NRN1: variants seen among roughly 807,000 people sequenced by gnomAD.
The protein encoded by NRN1 is neuritin 1.
In NRN1, 4 loss-of-function variants were observed where a neutral mutation model predicts 15.0. The ratio of observed to expected loss-of-function variants is 0.27; its 90% CI spans 0.13 to 0.61. NRN1 has a LOEUF of 0.61. Ranked by LOEUF, NRN1 falls within the 20% of genes least tolerant of loss-of-function variation. The pLI, the probability that NRN1 is intolerant of heterozygous loss-of-function variation, is 0.87. For missense variants in NRN1, 134 were observed against 181.9 expected, an observed-to-expected ratio of 0.74 and a Z score of 1.51; for synonymous variants, 85 against 79.8, an observed-to-expected ratio of 1.07 and a Z score of -0.35.
At position 5,999,017 on chromosome 6, in the gene NRN1, C is replaced by G. The variant is rs1757848699; in HGVS notation, c.388G>C (p.Val130Leu). The change falls in exon 3 of 3, where the codon GTG becomes CTG. Residue 130 changes from valine (V) to leucine (L), a missense_variant. Coordinates refer to ENST00000244766, the MANE Select transcript of NRN1 (RefSeq NM_016588.3). ...GTCGCTAAAGCTGCCGAGAGAGACACCAGGAGCACCGGGAACGCCGGGAGC... is the reference window on the plus strand; with the variant it reads ...GTCGCTAAAGCTGCCGAGAGAGACAGCAGGAGCACCGGGAACGCCGGGAGC... Reference protein sequence around the residue: ...SLLPAFPVLLVSLSAALATWL... With the variant: ...SLLPAFPVLLLSLSAALATWL... 1 of 1,613,314 alleles carries G rather than the reference C, an allele frequency of 6.2e-7. No individual in the cohort carries two copies. Among genetic ancestry groups the G allele is most frequent in the East Asian group, 2.2e-5 (1 of 44,872 alleles).
chr6:6,006,481 A>C (rs1758112349), intron 1 of NRN1, among the ~76,000 whole-genome samples: 1 of 152,226 alleles, frequency 6.6e-6, no homozygotes, highest in Non-Finnish European at 1.5e-5. Flanking sequence ...GTCCGGCCGC[A>C]CACATTTCCT....
In NRN1 at chr6:5,998,787, A is replaced by C. The variant is rs921515894; in HGVS notation, c.*189T>G. The stretch of plus-strand genomic sequence containing the variant: ...GCTTGCTTGCTCACTGATTGGTAAC[A>C]TTTGGCAAATAAAACACAAGAAATC... On this transcript the variant is annotated 3_prime_UTR_variant, in exon 3 of 3. Transcript: ENST00000244766. The C allele has an allele frequency of 1.7e-6, 1 of 602,138 alleles. No homozygotes were observed. The highest frequency in any genetic ancestry group is 2.8e-5 in the East Asian group (1 of 36,064). 37.3% of individuals were successfully genotyped at this position (602,138 alleles called of 1,614,324 possible). A position where few individuals can be genotyped will look rare whatever the true frequency, so the allele number is the denominator to read the frequency against.
At position 6,006,615 on chromosome 6, in the gene NRN1, C is replaced by G. The variant is rs1037996169; in HGVS notation, c.55+80G>C. ...CCGCACCCTGGGGCGGCCGCGGACC[C>G]GCTAGTCCCCCTCCGCGCCTCGGGC... On this transcript the variant is annotated intron_variant, in intron 1 of 2. Transcript: ENST00000244766. The G allele has an allele frequency of 9.9e-6, 14 of 1,414,748 alleles. No homozygotes were observed. The South Asian group carries it at 1.4e-4, about 14-fold the overall frequency. The allele number at this position is 1,414,748 out of a possible 1,614,324, so 87.6% of individuals were successfully genotyped here.
chr6:6,005,014 G>C (rs888285470), intron 1 of NRN1, among the ~76,000 whole-genome samples: 1 of 151,122 alleles, frequency 6.6e-6, no homozygotes, highest in African/African-American at 2.4e-5. Context: ...TTGCAGGAAA[G>C]GGCAGACATT....
intron 2 of NRN1, among the ~76,000 whole-genome samples, chr6:6,000,356 A>G (rs1335754814): frequency 1.3e-5 from 2 of 152,164 alleles, no homozygotes; most frequent in Non-Finnish European, 2.9e-5. Flanking sequence ...GAGACTAAAT[A>G]TAATCCCAAC....
chr6:6,000,594 GAC>G (rs1757915861), intron 2 of NRN1, among the ~76,000 whole-genome samples: 1 of 152,080 alleles, frequency 6.6e-6, no homozygotes, highest in South Asian at 2.1e-4. Flanking sequence ...GTACTGGAGG[GAC>G]ACAGAGCTTC....
chr6:5,999,002 C>G lies in NRN1; in HGVS notation c.403G>C (p.Ala135Pro), dbSNP rs141431038. ...FPVLLVSLSA[A>P]LATWLSF is the part of the protein sequence containing the mutation. Reference sequence around the variant, plus strand: ...CAGAAGGAAAGCCAGGTCGCTAAAGCTGCCGAGAGAGACACCAGGAGCACC... The same window carrying G: ...CAGAAGGAAAGCCAGGTCGCTAAAGGTGCCGAGAGAGACACCAGGAGCACC... The change falls in exon 3 of 3, where the codon GCT (alanine) becomes CCT (proline). Residue 135 changes from alanine to proline, a missense_variant. Physicochemically the swap from Ala to Pro is conservative, Grantham distance 27. Coordinates refer to ENST00000244766, the MANE Select transcript of NRN1 (RefSeq NM_016588.3). 7 of 1,612,620 alleles carry G rather than the reference C, an allele frequency of 4.3e-6. No homozygotes were observed. The African/African-American group carries it at 9.3e-5, about 22-fold the overall frequency.
chr6:6,007,151 T>C (rs950370401), upstream of NRN1, among the ~76,000 whole-genome samples: 12 of 152,090 alleles, frequency 7.9e-5, no homozygotes, highest in Non-Finnish European at 1.3e-4. Flanking sequence ...CTCCAATTAA[T>C]GTGCGATCTG....
chr6:6,001,446 T>C (rs1348614023), intron 2 of NRN1, among the ~76,000 whole-genome samples: 1 of 152,206 alleles, frequency 6.6e-6, no homozygotes, highest in Non-Finnish European at 1.5e-5. Flanking sequence ...GCTAGATTGC[T>C]GCAGGTCCAC....
rs377380836 is a variant in NRN1 at position 5,999,027 on chromosome 6, C to G, written c.378G>C (p.Pro126=). ...GAAGSLLPAF[P]VLLVSLSAAL... is the part of the protein sequence containing the mutation. ...CTGCCGAGAGAGACACCAGGAGCAC[C>G]GGGAACGCCGGGAGCAGGGACCCCG... is the stretch of plus-strand genomic sequence containing the variant. The change falls in exon 3 of 3, where the codon CCG becomes CCC. Residue 126 remains proline (P), a synonymous_variant. Coordinates refer to ENST00000244766, the MANE Select transcript of NRN1 (RefSeq NM_016588.3). The G allele has an allele frequency of 1.1e-5, 17 of 1,613,462 alleles. No homozygotes were observed. The highest frequency in any genetic ancestry group is 1.4e-5 in the Non-Finnish European group (16 of 1,179,792).
At chr6:6,005,747 AC>A (rs1758095729) in intron 1 of NRN1, among the ~76,000 whole-genome samples, 1 of 152,026 alleles carries the variant, frequency 6.6e-6, no homozygotes, top group South Asian at 2.1e-4. Flanking sequence ...CTTCACTTTC[AC>A]TTTTAGGCCA....
At chr6:6,001,800 G>A (rs894003896) in intron 2 of NRN1, among the ~76,000 whole-genome samples, 1 of 152,162 alleles carries the variant, frequency 6.6e-6, no homozygotes, top group African/African-American at 2.4e-5. Flanking sequence ...TGCCTGTGCC[G>A]GCATTTCCTT....
intron 1 of NRN1, chr6:6,003,205 A>C (rs1582993200): frequency 8.1e-7 from 1 of 1,234,168 alleles, no homozygotes; most frequent in Non-Finnish European, 1.0e-6. Context: ...CCTCGGATGC[A>C]CCCTCTCCCG....
chr6:6,005,125 T>TC (rs1230471250), intron 1 of NRN1, among the ~76,000 whole-genome samples: 7 of 152,132 alleles, frequency 4.6e-5, no homozygotes, highest in African/African-American at 1.7e-4. Flanking sequence ...ACGACCACCG[T>TC]CTTTTTTTTC....
intron 2 of NRN1, among the ~76,000 whole-genome samples, chr6:6,001,743 G>A (rs1192968566): frequency 6.6e-6 from 1 of 152,192 alleles, no homozygotes; most frequent in Non-Finnish European, 1.5e-5. Flanking sequence ...ATAAGATAGC[G>A]TTTCGGCCTG....
Position 6,006,785 on chromosome 6 carries a change from T to C in NRN1, c.-36A>G, listed in dbSNP as rs1369786275. On this transcript the variant is annotated 5_prime_UTR_variant, in exon 1 of 3. Coordinates refer to ENST00000244766, the MANE Select transcript of NRN1 (RefSeq NM_016588.3). ...GTCAAACCATTTGCGACCGCAGACC[T>C]TTAAATAGTTAGTTTAGAGAACGCG... 1 of 1,605,718 alleles carries C rather than the reference T, an allele frequency of 6.2e-7. No homozygotes were observed. The highest frequency in any genetic ancestry group is 2.2e-5 in the East Asian group (1 of 44,824).
chr6:6,001,914 A>T (rs1055016270), intron 2 of NRN1, among the ~76,000 whole-genome samples: 4 of 152,194 alleles, frequency 2.6e-5, no homozygotes, highest in African/African-American at 9.7e-5. Context: ...CTCAAATCCA[A>T]ACTAACTGTT....
chr6:6,002,735 G>T, intron 1 of NRN1: 1 of 573,238 alleles, frequency 1.7e-6, no homozygotes, highest in Non-Finnish European at 3.1e-6. Context: ...GTGTGGGTGG[G>T]TGGGAGGTAG....
At chr6:6,004,011 C>T in intron 1 of NRN1, 1 of 1,204,546 alleles carries the variant, frequency 8.3e-7, no homozygotes, top group Non-Finnish European at 1.0e-6. Flanking sequence ...GAGCGCCGGG[C>T]CAGACGCCGA....
Sources: allele counts gnomAD v4.1 joint callset (sites outside exome capture counted in the v4.1 genomes callset), GRCh38; gene constraint gnomAD v4.1.1; transcripts MANE v1.5; gene names NCBI Gene and HGNC (gene_info 2026-07-23, HGNC 2026-07-21).